The following TANC1 variants were observed in gnomAD, a reference collection of about 807,000 sequenced individuals.
TANC1 encodes the protein protein TANC1.
TANC1 carries 77 observed loss-of-function variants against 149.7 expected under a neutral mutation model. The observed-to-expected ratio is 0.51, with a 90% CI of 0.43 to 0.62. The LOEUF is 0.62. Among genes scored for constraint, TANC1 ranks in the 20% least tolerant of loss-of-function variants. TANC1 has a pLI of 0.00. For synonymous variants in TANC1, 854 were observed against 925.0 expected (o/e 0.92, Z 1.39); for missense variants, 1,985 against 2,321.8 (o/e 0.85, Z 2.98).
intron 3 of TANC1, among the ~76,000 whole-genome samples, chr2:159,093,561 C>T (rs1396631512): frequency 6.6e-6 from 1 of 152,204 alleles, no homozygotes; most frequent in Non-Finnish European, 1.5e-5. Context: ...CTAGATCCAC[C>T]CAGCTTTGTG....
intron 1 of TANC1, among the ~76,000 whole-genome samples, chr2:158,982,023 A>AT (rs1441235682): frequency 6.8e-6 from 1 of 147,598 alleles, no homozygotes; most frequent in Non-Finnish European, 1.5e-5. Flanking sequence ...TTAATTTGCT[A>AT]TTTACATTTT....
At chr2:158,988,324 C>T (rs842061) in intron 1 of TANC1, among the ~76,000 whole-genome samples, 80,404 of 125,428 alleles carry the variant, frequency 0.64, 24,042 homozygotes, top group Middle Eastern at 0.71. Flanking sequence ...AGACCCTGTC[C>T]CAAAAAAAAA....
At chr2:159,097,174 A>T (rs1235288225) in intron 3 of TANC1, among the ~76,000 whole-genome samples, 1 of 152,068 alleles carries the variant, frequency 6.6e-6, no homozygotes, top group African/African-American at 2.4e-5. Context: ...AGGAATGTGG[A>T]TGTAGACTAC....
At chr2:159,192,055 C>T (rs77561070) in intron 16 of TANC1, among the ~76,000 whole-genome samples, 22,042 of 152,026 alleles carry the variant, frequency 0.14, 2,113 homozygotes, top group East Asian at 0.46. Context: ...CTAAAATTTG[C>T]GTATGTTCAG....
At chr2:159,043,826 A>G (rs1189331300) in intron 2 of TANC1, among the ~76,000 whole-genome samples, 1 of 152,170 alleles carries the variant, frequency 6.6e-6, no homozygotes, top group Non-Finnish European at 1.5e-5. Context: ...TCCCCGTGAA[A>G]AACTTCTTAA....
At chr2:159,009,250 C>T (rs1298958412) in intron 2 of TANC1, among the ~76,000 whole-genome samples, 1 of 152,114 alleles carries the variant, frequency 6.6e-6, no homozygotes, top group Non-Finnish European at 1.5e-5. Flanking sequence ...GTCTACCAAC[C>T]CCACTACTGA....
intron 3 of TANC1, among the ~76,000 whole-genome samples, chr2:159,070,983 G>A (rs988145729): frequency 6.6e-6 from 1 of 152,148 alleles, no homozygotes; most frequent in Non-Finnish European, 1.5e-5. Context: ...AAAGCTCACA[G>A]TTGGTAGTGT....
intron 18 of TANC1, among the ~76,000 whole-genome samples, chr2:159,198,378 C>T (rs947767224): frequency 5.3e-5 from 8 of 152,150 alleles, no homozygotes; most frequent in Non-Finnish European, 7.3e-5. Flanking sequence ...GTGGCTTTGT[C>T]GTGTTCTCCC....
At chr2:159,027,455 C>CGTCT (rs1205712954) in intron 2 of TANC1, among the ~76,000 whole-genome samples, 1 of 152,168 alleles carries the variant, frequency 6.6e-6, no homozygotes, top group African/African-American at 2.4e-5. Flanking sequence ...TCCTCATTTC[C>CGTCT]GTCTGAGACC....
chr2:159,072,759 A>C (rs11684645), intron 3 of TANC1, among the ~76,000 whole-genome samples: 31,315 of 151,418 alleles, frequency 0.21, 3,540 homozygotes, highest in South Asian at 0.37. Flanking sequence ...TAAAACTTAA[A>C]GTATAATAAT....
rs201866379 is a variant in TANC1, at chr2:159,224,309, C to T, written c.3756C>T (p.Ile1252=). ...GGATGCGGCCCTTGGACAGAGCCAT[C>T]GGCTGCCGGAACACATCTGTAGTGG... ...HSGMRPLDRA[I]GCRNTSVVVA... is the part of the protein sequence containing the mutation. The change falls in exon 23 of 27, where the codon ATC becomes ATT. Residue 1252 remains isoleucine (I), a synonymous_variant. Coordinates refer to ENST00000263635, the MANE Select transcript of TANC1 (RefSeq NM_033394.3). 1,070 of 1,614,048 alleles carry T rather than the reference C, an allele frequency of 6.6e-4. 2 individuals are homozygous for T. Among genetic ancestry groups the T allele is most frequent in the Non-Finnish European group, 7.2e-4 (855 of 1,180,048 alleles).
intron 7 of TANC1, among the ~76,000 whole-genome samples, chr2:159,152,879 G>A (rs748414941): frequency 4.6e-5 from 7 of 152,190 alleles, no homozygotes; most frequent in Non-Finnish European, 8.8e-5. Context: ...CTAAGCAGAG[G>A]AAAGAAATGG....
chr2:159,071,616 G>A (rs970775919), intron 3 of TANC1, among the ~76,000 whole-genome samples: 5 of 152,152 alleles, frequency 3.3e-5, no homozygotes, highest in Non-Finnish European at 5.9e-5. Flanking sequence ...GTTAAACTTG[G>A]TATTTTAAGC....
intron 3 of TANC1, among the ~76,000 whole-genome samples, chr2:159,076,985 G>GTT (rs368212119): frequency 1.4e-5 from 2 of 142,320 alleles, no homozygotes; most frequent in African/African-American, 5.1e-5. Flanking sequence ...CGTTCATTTT[G>GTT]TTTTTTTTTT....
chr2:159,150,225 T>C, intron 6 of TANC1, 145 bp from the exon 7 acceptor site: 1 of 624,210 alleles, frequency 1.6e-6, no homozygotes. Context: ...TGAATCCATA[T>C]CTATACACAC....
intron 2 of TANC1, among the ~76,000 whole-genome samples, chr2:159,007,491 G>A (rs78026120): frequency 0.045 from 6,834 of 152,164 alleles, 482 homozygotes; most frequent in African/African-American, 0.15. Flanking sequence ...AGATGTATAA[G>A]TACTTACTAT....
At chr2:159,135,979 G>A (rs1243430562) in intron 4 of TANC1, among the ~76,000 whole-genome samples, 3 of 150,210 alleles carry the variant, frequency 2.0e-5, no homozygotes, top group Admixed American at 6.6e-5. Flanking sequence ...CAGACTGGAC[G>A]TTCCCTCGTC....
intron 13 of TANC1, 70 bp downstream of exon 13, chr2:159,176,588 TA>T (rs2055879911): frequency 8.0e-7 from 1 of 1,242,450 alleles, no homozygotes; most frequent in Non-Finnish European, 1.1e-6. Flanking sequence ...GTTAATAACG[TA>T]AAACTGTTGT....
intron 16 of TANC1, among the ~76,000 whole-genome samples, chr2:159,192,302 T>A (rs563375586): frequency 6.6e-6 from 1 of 152,270 alleles, no homozygotes; most frequent in South Asian, 2.1e-4. Flanking sequence ...ACACCATGAC[T>A]ATTTTTTTCT....
Sources: allele counts gnomAD v4.1 joint callset (sites outside exome capture counted in the v4.1 genomes callset), GRCh38; gene constraint gnomAD v4.1.1; transcripts MANE v1.5; gene names NCBI Gene and HGNC (gene_info 2026-07-23, HGNC 2026-07-21).